Variants in MCF2 observed in about 807,000 individuals in gnomAD.
MCF2 encodes the protein MCF.2 cell line derived transforming sequence, also known as proto-oncogene DBL.
In MCF2, 44 loss-of-function variants were observed where a neutral mutation model predicts 82.5. The ratio of observed to expected loss-of-function variants is 0.53; its 90% confidence interval spans 0.42 to 0.69. The LOEUF (loss-of-function observed/expected upper bound fraction) is 0.69. Ranked by LOEUF, MCF2 falls within the 30% of genes least tolerant of loss-of-function variation. The pLI, the probability that MCF2 is intolerant of heterozygous loss-of-function variation, is 0.00. For synonymous variants in MCF2, 217 were observed against 224.9 expected (o/e 0.96, Z 0.32); for missense variants, 623 against 663.1 (o/e 0.94, Z 0.66).
chrX:139,651,824 G>A, intron 1 of MCF2, 36 bp from the exon 2 acceptor site: 1 of 859,716 alleles, frequency 1.2e-6, no homozygotes, highest in Non-Finnish European at 1.7e-6. Context: ...TGACATACAT[G>A]TTAAGGTACA....
chrX:139,652,731 G>T (rs1014591545), intron 1 of MCF2, among the ~76,000 whole-genome samples: 2 of 110,976 alleles, frequency 1.8e-5, no homozygotes, highest in Middle Eastern at 4.6e-3. Context: ...TCTTACTGAA[G>T]CCATGTTTTT....
chrX:139,702,607 A>T (rs1321095691), intron 1 of MCF2, among the ~76,000 whole-genome samples: 1 of 112,982 alleles, frequency 8.9e-6, no homozygotes, highest in Non-Finnish European at 1.9e-5. Flanking sequence ...ACAATAACGG[A>T]ATACTGTGAA....
At chrX:139,610,267 TA>T in intron 11 of MCF2, 33 bp downstream of exon 15, 1 of 1,011,243 alleles carries the variant, frequency 9.9e-7, no homozygotes, top group Non-Finnish European at 1.4e-6. Flanking sequence ...ACTAAAGCAA[TA>T]AAGTCAATTT....
chrX:139,688,798 T>C (rs1935190167), intron 1 of MCF2, among the ~76,000 whole-genome samples: 1 of 111,549 alleles, frequency 9.0e-6, no homozygotes, highest in African/African-American at 3.3e-5. Context: ...ATATAGCCCA[T>C]GGAGAAGTAG....
intron 11 of MCF2, among the ~76,000 whole-genome samples, chrX:139,608,576 C>T (rs374810118): frequency 9.0e-6 from 1 of 111,147 alleles, no homozygotes; most frequent in African/African-American, 3.3e-5. Flanking sequence ...AAAGCCTGAC[C>T]TCCAAGTAAA....
At chrX:139,621,777 T>TA (rs919314686) in intron 6 of MCF2, among the ~76,000 whole-genome samples, 8 of 111,439 alleles carry the variant, frequency 7.2e-5, no homozygotes, top group African/African-American at 1.3e-4. Flanking sequence ...ATAAAAACCC[T>TA]AGAAGAAAAC....
chrX:139,602,286 T>G, intron 16 of MCF2, 120 bp downstream of exon 20: 1 of 571,317 alleles, frequency 1.8e-6, no homozygotes, highest in Non-Finnish European at 2.9e-6. Flanking sequence ...GGATTTGCTC[T>G]TTAACTCATA....
At chrX:139,584,296 C>T (rs1253201732) in intron 24 of MCF2, among the ~76,000 whole-genome samples, 2 of 110,053 alleles carry the variant, frequency 1.8e-5, no homozygotes, top group Non-Finnish European at 3.8e-5. Flanking sequence ...CCACCACAAC[C>T]GCCTAATTTT....
intron 1 of MCF2, among the ~76,000 whole-genome samples, chrX:139,662,417 A>C (rs1443345467): frequency 9.0e-6 from 1 of 111,076 alleles, no homozygotes; most frequent in East Asian, 2.8e-4. Context: ...TCTCGAAACA[A>C]AAGGACAAAG....
chrX:139,662,292 T>G (rs1471294659), intron 1 of MCF2, among the ~76,000 whole-genome samples: 2 of 108,037 alleles, frequency 1.9e-5, no homozygotes, highest in African/African-American at 7.4e-5. Flanking sequence ...TAAATTGATA[T>G]ACAGATTGAA....
intron 1 of MCF2, among the ~76,000 whole-genome samples, chrX:139,688,708 G>A: frequency 9.0e-6 from 1 of 110,947 alleles, no homozygotes; most frequent in Non-Finnish European, 1.9e-5. Flanking sequence ...AGAAATGTGT[G>A]AGGGAAAATA....
chrX:139,603,996 TAAATC>T (rs1930771815), intron 15 of MCF2, among the ~76,000 whole-genome samples: 1 of 112,015 alleles, frequency 8.9e-6, no homozygotes, highest in African/African-American at 3.2e-5. Context: ...AATTAACTCT[TAAATC>T]AAGACAAAAC....
upstream of MCF2, among the ~76,000 whole-genome samples, chrX:139,643,530 A>G (rs754750675): frequency 2.7e-4 from 30 of 111,614 alleles, no homozygotes; most frequent in Admixed American, 5.8e-4. Flanking sequence ...GTTAAAAAAG[A>G]AACACCTAAA....
At chrX:139,700,418 C>T (rs780864663) in intron 1 of MCF2, among the ~76,000 whole-genome samples, 38 of 111,821 alleles carry the variant, frequency 3.4e-4, no homozygotes, top group African/African-American at 1.2e-3. Context: ...AGGAACAGCA[C>T]GTTATAATAT....
intron 19 of MCF2, among the ~76,000 whole-genome samples, chrX:139,593,873 A>C (rs1385993911): frequency 9.0e-6 from 1 of 111,329 alleles, no homozygotes; most frequent in Non-Finnish European, 1.9e-5. Context: ...CAACTTCAGC[A>C]AAGTCTCAGG....
At chrX:139,665,883 T>C (rs1173194302) in intron 1 of MCF2, among the ~76,000 whole-genome samples, 1 of 88,660 alleles carries the variant, frequency 1.1e-5, no homozygotes, top group Non-Finnish European at 2.1e-5. Context: ...TATGGGTACA[T>C]GGTAGGTGTG....
intron 1 of MCF2, among the ~76,000 whole-genome samples, chrX:139,678,787 T>C (rs1934933576): frequency 8.9e-6 from 1 of 112,268 alleles, no homozygotes; most frequent in Non-Finnish European, 1.9e-5. Context: ...CCTTTTATAC[T>C]CACCACTTAA....
intron 1 of MCF2, among the ~76,000 whole-genome samples, chrX:139,687,679 C>T (rs1159974932): frequency 1.8e-5 from 2 of 112,652 alleles, no homozygotes; most frequent in African/African-American, 6.4e-5. Context: ...CTGATAGATT[C>T]TGAACACACT....
chrX:139,615,131 G>T, intron 9 of MCF2, 79 bp from the exon 13 acceptor site: 1 of 715,395 alleles, frequency 1.4e-6, no homozygotes. Flanking sequence ...CTCAGACTCA[G>T]ATGGTCAAAA....
Sources: allele counts gnomAD v4.1 joint callset (sites outside exome capture counted in the v4.1 genomes callset), GRCh38; gene constraint gnomAD v4.1.1; transcripts MANE v1.5; gene names NCBI Gene and HGNC (gene_info 2026-07-23, HGNC 2026-07-21).